The following KASH5 variants were observed in gnomAD, a reference collection of about 807,000 sequenced individuals.
The protein encoded by KASH5 is protein KASH5.
Under a neutral mutation model 84.2 loss-of-function variants are expected in KASH5, and 72 were observed. The ratio of observed to expected loss-of-function variants is 0.85; its 90% confidence interval spans 0.71 to 1.04. The LOEUF (loss-of-function observed/expected upper bound fraction) is 1.04, where lower values mean the gene tolerates loss of function less well. Among genes scored for constraint, KASH5 ranks in the 50% least tolerant of loss-of-function variants. The pLI, the probability that KASH5 is intolerant of heterozygous loss-of-function variation, is 0.00. For synonymous variants in KASH5, 260 were observed against 279.1 expected (o/e 0.93, Z 0.68); for missense variants, 650 against 701.0 (o/e 0.93, Z 0.82).
Position 49,409,184 on chromosome 19 carries a change from C to T in KASH5, c.1059-12C>T. On this transcript the variant is annotated splice_polypyrimidine_tract_variant and intron_variant, in intron 13 of 19. Transcript: ENST00000447857. Reference sequence around the variant, plus strand: ...CAGAGGCCATCTTCCTCCCTCCTTCCTGTGTGGCCAGGCTACCTGAAGGGG... The same window carrying T: ...CAGAGGCCATCTTCCTCCCTCCTTCTTGTGTGGCCAGGCTACCTGAAGGGG... 1.9e-6 allele frequency: 3 copies of T among 1,612,394 alleles called. No individual in the cohort carries two copies. Among genetic ancestry groups the T allele is most frequent in the South Asian group, 1.1e-5 (1 of 90,964 alleles).
At chr19:49,394,820 G>A in intron 3 of KASH5, 2 of 588,960 alleles carry the variant, frequency 3.4e-6, no homozygotes, top group Non-Finnish European at 3.0e-6. Flanking sequence ...GGGGTCGTGG[G>A]ATAGGGGAGG....
Position 49,412,688 on chromosome 19 carries a change from C to G in KASH5, c.1270-280C>G, listed in dbSNP as rs766227578. On this transcript the variant is annotated intron_variant, in intron 15 of 19. Coordinates refer to ENST00000447857, the MANE Select transcript of KASH5 (RefSeq NM_144688.5). The surrounding 1 kb of genome is among the most constrained non-coding windows in gnomAD (Gnocchi z 4.6). ...GGAACATCCAGGAAGTTTAGGCAAC[C>G]GGGACTCCTGGGTCCTGTCAGGGAA... 2.0e-5 allele frequency among the ~76,000 whole-genome samples: 3 copies of G among 152,110 alleles called. No homozygotes were observed. The highest frequency in any genetic ancestry group is 2.9e-5 in the Non-Finnish European group (2 of 68,024).
chr19:49,398,889 C>A, intron 7 of KASH5, 136 bp from the exon 8 acceptor site: 2 of 662,208 alleles, frequency 3.0e-6, no homozygotes, highest in Non-Finnish European at 2.6e-6. Flanking sequence ...TCTCTGTCCT[C>A]CCCTCTCTCT....
chr19:49,396,252 T>TGG (rs1568611509), intron 5 of KASH5, among the ~76,000 whole-genome samples: 1,553 of 114,600 alleles, frequency 0.014, 71 homozygotes, highest in African/African-American at 0.05. Context: ...ACTTTTTTTT[T>TGG]TTTTTTTTTT....
At chr19:49,409,362 C>G in intron 14 of KASH5, 79 bp downstream of exon 14, 7 of 1,407,824 alleles carry the variant, frequency 5.0e-6, no homozygotes, top group Non-Finnish European at 6.9e-6. Flanking sequence ...GATCCTCACA[C>G]CAGCCTAGCC....
At chr19:49,396,851 T>G (rs1013108835) in intron 5 of KASH5, among the ~76,000 whole-genome samples, 1 of 152,016 alleles carries the variant, frequency 6.6e-6, no homozygotes, top group African/African-American at 2.4e-5. Context: ...TTGAGCCCAG[T>G]AGTTTGAGAC....
Position 49,397,187 on chromosome 19 carries a change from A to C in KASH5, c.401-464A>C, listed in dbSNP as rs532790165. Among the ~76,000 whole-genome samples, 77 of 152,152 alleles carry C rather than the reference A, an allele frequency of 5.1e-4. 1 individual carries two copies. Among genetic ancestry groups the C allele is most frequent in the African/African-American group, 1.8e-3 (76 of 41,526 alleles). ...AGGGAGGGCTGCAAGCAGAGGAGGG[A>C]CTAGAGGCCAGAAGGCCAGAGAAGA... is the stretch of plus-strand genomic sequence containing the variant. On this transcript the variant is annotated intron_variant, in intron 5 of 19. Coordinates refer to ENST00000447857, the MANE Select transcript of KASH5 (RefSeq NM_144688.5).
rs763826408 is a variant in KASH5 at position 49,394,491 on chromosome 19, G to A, written c.59G>A (p.Arg20Gln). 116 of 1,613,532 alleles carry A rather than the reference G, an allele frequency of 7.2e-5. No individual in the cohort carries two copies. The highest frequency in any genetic ancestry group is 8.6e-5 in the Non-Finnish European group (102 of 1,179,722). Residue 20 changes from arginine (R) to glutamine (Q), a missense_variant, in exon 3 of 20, where the codon CGG (arginine) becomes CAG (glutamine). Transcript: ENST00000447857. ...GPTAEMYLRE[R>Q]PEEARLGMPV... The stretch of plus-strand genomic sequence containing the variant: ...GTCTCCCCAGTGTACCTCCGGGAGC[G>A]GCCTGAGGAGGCAAGGCTGGGAATG...
Position 49,414,891 on chromosome 19 carries a change from G to C in KASH5, c.1329-60G>C. The C allele has an allele frequency of 6.3e-7, 1 of 1,579,574 alleles. No individual in the cohort carries two copies. The highest frequency in any genetic ancestry group is 8.6e-7 in the Non-Finnish European group (1 of 1,161,372). ...TCCAAGGCTTCTCTCCCAGCCCATA[G>C]TAGGCAAAGGGAACCAGGGAGAAGA... On this transcript the variant is annotated intron_variant, in intron 16 of 19. Coordinates refer to ENST00000447857, the MANE Select transcript of KASH5 (RefSeq NM_144688.5). This position sits in a 1 kb window ranked among gnomAD's most constrained non-coding sequence, Gnocchi z 4.5.
chr19:49,394,090 G>GC (rs1270846859), intron 2 of KASH5, among the ~76,000 whole-genome samples: 2 of 151,988 alleles, frequency 1.3e-5, no homozygotes, highest in African/African-American at 2.4e-5. Flanking sequence ...TGGCTCCTGG[G>GC]CCCCCCCTTC....
At position 49,414,443 on chromosome 19, in the gene KASH5, G is replaced by C. The variant is rs1248362258; in HGVS notation, c.1329-508G>C. Among the ~76,000 whole-genome samples, 1 of 152,094 alleles carries C rather than the reference G, an allele frequency of 6.6e-6. No individual in the cohort carries two copies. The highest frequency in any genetic ancestry group is 1.5e-5 in the Non-Finnish European group (1 of 68,004). ...CATTGAAAAATGGCTCAACCCACTA[G>C]ACAGGAAGGGGGTTTCGACACGTGC... is the stretch of plus-strand genomic sequence containing the variant. On this transcript the variant is annotated intron_variant, in intron 16 of 19. Coordinates refer to ENST00000447857, the MANE Select transcript of KASH5 (RefSeq NM_144688.5). The surrounding 1 kb of genome is among the most constrained non-coding windows in gnomAD (Gnocchi z 4.5).
intron 9 of KASH5, among the ~76,000 whole-genome samples, chr19:49,406,128 C>CAA (rs36100015): frequency 0.011 from 1,063 of 97,608 alleles, 18 homozygotes; most frequent in South Asian, 0.035. Flanking sequence ...AACTCTGGCT[C>CAA]AAAAAAAAAA....
rs912165140 is a variant in KASH5, at chr19:49,414,920, C to T, written c.1329-31C>T. 5.0e-6 allele frequency: 8 copies of T among 1,605,436 alleles called. No individual in the cohort carries two copies. The highest frequency in any genetic ancestry group is 6.8e-6 in the Non-Finnish European group (8 of 1,176,292). On this transcript the variant is annotated intron_variant, in intron 16 of 19. Coordinates refer to ENST00000447857, the MANE Select transcript of KASH5 (RefSeq NM_144688.5). This position sits in a 1 kb window ranked among gnomAD's most constrained non-coding sequence, Gnocchi z 4.5. ...GCAAAGGGAACCAGGGAGAAGAGGA[C>T]GAAGCCAGCAGTGACTTTGTTGGCC...
At chr19:49,390,723 G>T in intron 1 of KASH5, 66 bp from the exon 2 acceptor site, 1 of 699,792 alleles carries the variant, frequency 1.4e-6, no homozygotes, top group Middle Eastern at 3.1e-4. Context: ...GGGCACAGGT[G>T]GGGCTAGGCA....
chr19:49,416,845 C>T lies in KASH5; in HGVS notation c.1375-170C>T, dbSNP rs895922886. On this transcript the variant is annotated intron_variant, in intron 17 of 19. Transcript: ENST00000447857. This position sits in a 1 kb window ranked among gnomAD's most constrained non-coding sequence, Gnocchi z 5.4. ...AGAGGTGTGGTGACATGCCAAGGAC[C>T]CTCAGCCAGAAGCTGGCAGAAATGG... is the stretch of plus-strand genomic sequence containing the variant. 3.9e-5 allele frequency among the ~76,000 whole-genome samples: 6 copies of T among 152,102 alleles called. No homozygotes were observed. The highest frequency in any genetic ancestry group is 1.2e-4 in the African/African-American group (5 of 41,398).
At chr19:49,390,959 G>A in intron 2 of KASH5, 33 bp downstream of exon 2, 2 of 1,604,034 alleles carry the variant, frequency 1.2e-6, no homozygotes, top group Non-Finnish European at 8.5e-7. Flanking sequence ...GCCCCGGGGA[G>A]GGTGAGGAGG....
chr19:49,394,388 A>G (rs1373643704), intron 2 of KASH5, 88 bp from the exon 3 acceptor site: 1 of 993,662 alleles, frequency 1.0e-6, no homozygotes, highest in African/African-American at 1.6e-5. Context: ...CCTCCCCGCT[A>G]CAGAGCCCAG....
chr19:49,396,514 A>C (rs1226200660), intron 5 of KASH5, among the ~76,000 whole-genome samples: 3 of 152,174 alleles, frequency 2.0e-5, no homozygotes, highest in Non-Finnish European at 2.9e-5. Context: ...TTGGCCTCCC[A>C]AAGTGCTGGG....
At chr19:49,404,937 A>T (rs1974476751) in intron 9 of KASH5, among the ~76,000 whole-genome samples, 1 of 152,206 alleles carries the variant, frequency 6.6e-6, no homozygotes, top group Non-Finnish European at 1.5e-5. Flanking sequence ...AACCACAGGG[A>T]ACAAGAGCGC....
Sources: gnomAD v4.1 joint callset for allele counts (sites outside exome capture counted in the v4.1 genomes callset) on GRCh38, gnomAD v4.1.1 for gene constraint, Gnocchi (gnomAD v3.1) non-coding constraint, MANE v1.5 for transcripts, NCBI Gene and HGNC (gene_info 2026-07-23, HGNC 2026-07-21) for gene names.